Variants in BRDT observed in about 807,000 individuals in gnomAD.
BRDT encodes bromodomain testis-specific protein.
Under a neutral mutation model 113.9 loss-of-function variants are expected in BRDT, and 77 were observed. The observed-to-expected ratio is 0.68, with a 90% CI of 0.56 to 0.82. The LOEUF (loss-of-function observed/expected upper bound fraction) is 0.82. Ranked by LOEUF, BRDT falls within the 40% of genes least tolerant of loss-of-function variation. The probability of loss-of-function intolerance (pLI) is 0.00; values close to 1 mark genes in which losing one functional copy is unlikely to be tolerated. For missense variants in BRDT, 1,027 were observed against 1,105.4 expected (o/e 0.93, Z 1.01); for synonymous variants, 358 against 366.5 (o/e 0.98, Z 0.26).
chr1:91,979,826 C>T, intron 8 of BRDT, 69 bp downstream of exon 8: 1 of 1,453,948 alleles, frequency 6.9e-7, no homozygotes, highest in Non-Finnish European at 9.3e-7. Context: ...ATTTTTTCTG[C>T]AGATTTAAAG....
rs1209970707 is a variant in BRDT at position 91,981,753 on chromosome 1, C to T, written c.2000C>T (p.Ser667Leu). 3.7e-6 allele frequency: 6 copies of T among 1,612,816 alleles called. No individual in the cohort carries two copies. Among genetic ancestry groups the T allele is most frequent in the African/African-American group, 1.3e-5 (1 of 75,010 alleles). Residue 667 changes from serine to leucine, a missense_variant and splice_region_variant, in exon 12 of 19, where the codon TCA (serine) becomes TTA (leucine). Ser to Leu is a moderately radical substitution (Grantham distance 145). Coordinates refer to ENST00000399546, the MANE Select transcript of BRDT (RefSeq NM_207189.4). ...TCTTCAGACAGCAGTGATTCTGAAT[C>T]AGGTTAGCTGTCCCCTTAAATGTAC... ...LSSSDSSDSE[S>L]EMFPKFTEVK...
At chr1:91,986,677 A>C (rs777699083) in intron 12 of BRDT, among the ~76,000 whole-genome samples, 1 of 152,288 alleles carries the variant, frequency 6.6e-6, no homozygotes, top group Non-Finnish European at 1.5e-5. Context: ...GTTATGGGTG[A>C]CATCAAACAG....
chr1:92,012,256 C>T (rs1210515134), intron 18 of BRDT, among the ~76,000 whole-genome samples: 1 of 150,762 alleles, frequency 6.6e-6, no homozygotes, highest in African/African-American at 2.4e-5. Flanking sequence ...GAGATCACGC[C>T]ACTGCACTCC....
chr1:91,965,878 G>A (rs1683017515), intron 3 of BRDT, among the ~76,000 whole-genome samples: 1 of 151,742 alleles, frequency 6.6e-6, no homozygotes, highest in Non-Finnish European at 1.5e-5. Flanking sequence ...TTCCTGGGAT[G>A]AGTCCTTTGA....
intron 18 of BRDT, among the ~76,000 whole-genome samples, chr1:92,008,170 G>A (rs1570654249): frequency 6.6e-6 from 1 of 152,042 alleles, no homozygotes; most frequent in Non-Finnish European, 1.5e-5. Context: ...CACCCACCTC[G>A]GCCTCCCAAA....
Position 91,981,492 on chromosome 1 carries a change from C to T in BRDT, c.1864+111C>T, listed in dbSNP as rs183247780. On this transcript the variant is annotated intron_variant, in intron 11 of 18. Coordinates refer to ENST00000399546, the MANE Select transcript of BRDT (RefSeq NM_207189.4). ...ACTCCTGGCCTCATGTGATCCTCCA[C>T]CTTGGCCTCTCAAAGTGCTGAGATT... The T allele has an allele frequency of 2.8e-4, 428 of 1,525,230 alleles. 4 individuals carry two copies. The African/African-American group carries it at 5.0e-3, about 18-fold the overall frequency. The allele number at this position is 1,525,230 out of a possible 1,614,324, so 94.5% of individuals were successfully genotyped here.
chr1:91,982,610 C>G (rs978934508), intron 12 of BRDT, among the ~76,000 whole-genome samples: 1 of 152,140 alleles, frequency 6.6e-6, no homozygotes, highest in Non-Finnish European at 1.5e-5. Flanking sequence ...ATCAGGAATT[C>G]TTAGCATTAT....
intron 1 of BRDT, among the ~76,000 whole-genome samples, chr1:91,951,873 C>T (rs1681128765): frequency 6.6e-6 from 1 of 152,014 alleles, no homozygotes; most frequent in South Asian, 2.1e-4. Context: ...TGGCGAAACC[C>T]CATCTCTACT....
chr1:91,997,784 A>G (rs991705658), intron 15 of BRDT, among the ~76,000 whole-genome samples: 7 of 152,258 alleles, frequency 4.6e-5, no homozygotes, highest in Non-Finnish European at 7.3e-5. Flanking sequence ...CAGAAACAAC[A>G]TGGTTTACAT....
At chr1:91,974,636 G>A (rs1683946926) in intron 4 of BRDT, among the ~76,000 whole-genome samples, 2 of 152,086 alleles carry the variant, frequency 1.3e-5, no homozygotes, top group Admixed American at 1.3e-4. Flanking sequence ...GAAACAACAG[G>A]TGCTGGAGAG....
In BRDT at chr1:91,979,627, T is replaced by C; in HGVS notation, c.1157T>C (p.Leu386Ser). 1.1e-5 allele frequency: 17 copies of C among 1,613,912 alleles called. No individual in the cohort carries two copies. Among genetic ancestry groups the C allele is most frequent in the Non-Finnish European group, 1.4e-5 (17 of 1,179,976 alleles). The change falls in exon 8 of 19, where the codon TTA becomes TCA. Residue 386 changes from leucine (L) to serine (S), a missense_variant. By Grantham distance (145) the Leu-to-Ser change is moderately radical. Coordinates refer to ENST00000399546, the MANE Select transcript of BRDT (RefSeq NM_207189.4). Reference sequence around the variant, plus strand: ...ATTGAACCTGTTGAGAGTATGCCTTTATGTTACATCAAAACAGATATCACA... The same window carrying C: ...ATTGAACCTGTTGAGAGTATGCCTTCATGTTACATCAAAACAGATATCACA... ...IPIEPVESMP[L>S]CYIKTDITET...
At chr1:91,984,365 A>T (rs1685005414) in intron 12 of BRDT, among the ~76,000 whole-genome samples, 1 of 152,254 alleles carries the variant, frequency 6.6e-6, no homozygotes, top group East Asian at 1.9e-4. Flanking sequence ...AGCCCTGAAA[A>T]TTGTGAAAAA....
At chr1:91,966,887 G>A (rs1051263499) in intron 3 of BRDT, among the ~76,000 whole-genome samples, 2 of 152,114 alleles carry the variant, frequency 1.3e-5, no homozygotes, top group African/African-American at 2.4e-5. Context: ...TGGCCAAGAT[G>A]GTGAAACCCT....
intron 6 of BRDT, 53 bp downstream of exon 6, chr1:91,977,446 T>A: frequency 1.5e-6 from 2 of 1,326,836 alleles, no homozygotes; most frequent in Non-Finnish European, 2.1e-6. Flanking sequence ...TAAAAGTAAT[T>A]CATCATTGCA....
intron 12 of BRDT, among the ~76,000 whole-genome samples, chr1:91,989,748 CACA>C (rs1685602582): frequency 6.6e-6 from 1 of 152,106 alleles, no homozygotes; most frequent in East Asian, 1.9e-4. Flanking sequence ...ATGCCTAGCC[CACA>C]ACACTTAAAT....
intron 18 of BRDT, among the ~76,000 whole-genome samples, chr1:92,010,237 G>A (rs1170437310): frequency 6.9e-6 from 1 of 145,614 alleles, no homozygotes; most frequent in African/African-American, 2.5e-5. Context: ...ACCATTTAAA[G>A]TTGCCTCATA....
chr1:91,994,029 G>A, intron 14 of BRDT, 54 bp from the exon 15 acceptor site: 1 of 1,401,258 alleles, frequency 7.1e-7, no homozygotes, highest in Non-Finnish European at 9.6e-7. Flanking sequence ...GTTCTCTTTG[G>A]TATACTTCTT....
At chr1:91,985,808 T>C (rs1360150400) in intron 12 of BRDT, among the ~76,000 whole-genome samples, 1 of 151,828 alleles carries the variant, frequency 6.6e-6, no homozygotes, top group African/African-American at 2.4e-5. Context: ...CCGGCTAATT[T>C]TTTCTATTTT....
At chr1:91,978,974 G>T (rs12137368) in intron 7 of BRDT, among the ~76,000 whole-genome samples, 97,813 of 137,168 alleles carry the variant, frequency 0.71, 35,823 homozygotes, top group Middle Eastern at 0.82. Flanking sequence ...CTCCAGCCTG[G>T]GCGACAGAGC....
Sources: gnomAD v4.1 joint callset for allele counts (sites outside exome capture counted in the v4.1 genomes callset) on GRCh38, gnomAD v4.1.1 for gene constraint, MANE v1.5 for transcripts, NCBI Gene and HGNC (gene_info 2026-07-23, HGNC 2026-07-21) for gene names.